USP34: variants seen among roughly 807,000 people sequenced by gnomAD.
USP34 encodes the protein ubiquitin carboxyl-terminal hydrolase 34.
USP34 carries 70 observed loss-of-function variants against 460.3 expected under a neutral mutation model. The observed-to-expected ratio is 0.15, with a 90% CI of 0.13 to 0.19. The LOEUF (loss-of-function observed/expected upper bound fraction) is 0.19. Ranked by LOEUF, USP34 falls within the 10% of genes least tolerant of loss-of-function variation. USP34 has a pLI of 1.00. For synonymous variants in USP34, 1,647 were observed against 1,405.3 expected (o/e 1.17, Z -3.85); for missense variants, 3,985 against 4,236.2 (o/e 0.94, Z 1.65).
At chr2:61,299,842 C>T (rs1407574960) in intron 29 of USP34, among the ~76,000 whole-genome samples, 1 of 152,174 alleles carries the variant, frequency 6.6e-6, no homozygotes, top group Non-Finnish European at 1.5e-5. Context: ...CCTCTGAGCT[C>T]CATACTTATA....
intron 79 of USP34, 70 bp from the exon 80 acceptor site, chr2:61,188,779 G>T: frequency 6.4e-7 from 1 of 1,570,192 alleles, no homozygotes; most frequent in Non-Finnish European, 8.6e-7. Context: ...GGGGATGTGG[G>T]AAGTTAATTT....
chr2:61,302,596 A>G (rs909265380), intron 27 of USP34, among the ~76,000 whole-genome samples: 1 of 152,230 alleles, frequency 6.6e-6, no homozygotes, highest in Admixed American at 6.5e-5. Context: ...CAGATACAAC[A>G]TTTTAAACAT....
chr2:61,331,638 T>G (rs1420112759), intron 19 of USP34, among the ~76,000 whole-genome samples: 1 of 152,060 alleles, frequency 6.6e-6, no homozygotes, highest in African/African-American at 2.4e-5. Context: ...TGAGTTAATA[T>G]TAAAAGTAAT....
chr2:61,333,657 A>C (rs1691335941), intron 19 of USP34, among the ~76,000 whole-genome samples: 1 of 152,066 alleles, frequency 6.6e-6, no homozygotes, highest in South Asian at 2.1e-4. Context: ...ATTAATTGCT[A>C]AAGTACTGTT....
Position 61,378,923 on chromosome 2 carries a change from A to AAAC in USP34, c.1015-500_1015-499insGTT, listed in dbSNP as rs1283615457. 3.4e-4 allele frequency among the ~76,000 whole-genome samples: 50 copies of AAAC among 148,740 alleles called. 1 individual carries two copies. Among genetic ancestry groups the AAAC allele is most frequent in the African/African-American group, 1.2e-3 (49 of 41,050 alleles). On this transcript the variant is annotated intron_variant, in intron 7 of 79. Coordinates refer to ENST00000398571, the MANE Select transcript of USP34 (RefSeq NM_014709.4). ...CCATCTCAAAAAAACGAAAAAAAAA[A>AAAC]AAAAAAAAAAAAAACAACACTAAAT...
At chr2:61,279,184 T>C (rs1689462166) in intron 39 of USP34, among the ~76,000 whole-genome samples, 1 of 152,072 alleles carries the variant, frequency 6.6e-6, no homozygotes, top group Non-Finnish European at 1.5e-5. Flanking sequence ...ATACTAATTT[T>C]TGTAATTATT....
intron 1 of USP34, among the ~76,000 whole-genome samples, chr2:61,468,334 C>A (rs1422578695): frequency 1.3e-5 from 2 of 152,194 alleles, no homozygotes; most frequent in Non-Finnish European, 2.9e-5. Flanking sequence ...CAAGCATGTG[C>A]CACCACGCTC....
intron 39 of USP34, among the ~76,000 whole-genome samples, chr2:61,279,909 C>T (rs544363111): frequency 6.6e-6 from 1 of 152,268 alleles, no homozygotes; most frequent in African/African-American, 2.4e-5. Context: ...GTATTTGGGA[C>T]TCCAAACTAC....
chr2:61,310,954 TGAA>T (rs1690573217), intron 27 of USP34, among the ~76,000 whole-genome samples: 2 of 152,182 alleles, frequency 1.3e-5, no homozygotes, highest in African/African-American at 4.8e-5. Context: ...GAGAAACAAA[TGAA>T]GAATTTTTTG....
intron 53 of USP34, among the ~76,000 whole-genome samples, chr2:61,240,396 A>G (rs1014734850): frequency 6.6e-6 from 1 of 151,758 alleles, no homozygotes. Flanking sequence ...CTCCTGCCTC[A>G]GCCTCCCGAG....
intron 39 of USP34, among the ~76,000 whole-genome samples, chr2:61,278,749 G>T (rs1187073239): frequency 6.6e-6 from 1 of 150,930 alleles, no homozygotes; most frequent in African/African-American, 2.4e-5. Flanking sequence ...AAACCTTCAC[G>T]TTGTGCACAT....
intron 49 of USP34, 117 bp downstream of exon 49, chr2:61,248,394 C>A: frequency 1.0e-6 from 1 of 1,003,954 alleles, no homozygotes. Flanking sequence ...TTAACCTTCT[C>A]CCTTCTAAGA....
chr2:61,431,343 C>G (rs569772069), intron 1 of USP34, among the ~76,000 whole-genome samples: 4 of 152,160 alleles, frequency 2.6e-5, no homozygotes, highest in African/African-American at 9.7e-5. Flanking sequence ...TTGCCTCAGC[C>G]TCCCAAGTAG....
At chr2:61,225,874 G>C (rs139170118) in intron 62 of USP34, among the ~76,000 whole-genome samples, 37 of 152,268 alleles carry the variant, frequency 2.4e-4, no homozygotes, top group African/African-American at 8.9e-4. Context: ...TGTCTAACAC[G>C]TATTTTCCCT....
At chr2:61,289,978 C>T (rs993738654) in intron 33 of USP34, among the ~76,000 whole-genome samples, 5 of 152,064 alleles carry the variant, frequency 3.3e-5, no homozygotes, top group African/African-American at 1.2e-4. Context: ...GGGGGCTTGT[C>T]CCCATACACA....
At chr2:61,361,694 C>G (rs1692280546) in intron 10 of USP34, among the ~76,000 whole-genome samples, 1 of 152,078 alleles carries the variant, frequency 6.6e-6, no homozygotes, top group Non-Finnish European at 1.5e-5. Context: ...CATTTAAGAC[C>G]TGAAATTGTA....
chr2:61,187,985 C>T lies in USP34; in HGVS notation c.*117G>A. ...GAATTAAGCCTATAAATCTATCTTG[C>T]CATTCAAGCAGAGAGCACTGGACAA... On this transcript the variant is annotated 3_prime_UTR_variant, in exon 80 of 80. Transcript: ENST00000398571. 6.8e-7 allele frequency: 1 copy of T among 1,472,896 alleles called. No homozygotes were observed. The highest frequency in any genetic ancestry group is 2.4e-5 in the East Asian group (1 of 42,096). The allele number at this position is 1,472,896 out of a possible 1,614,324, so 91.2% of individuals were successfully genotyped here.
intron 1 of USP34, among the ~76,000 whole-genome samples, chr2:61,463,461 C>T (rs531687642): frequency 2.6e-5 from 4 of 152,246 alleles, no homozygotes; most frequent in South Asian, 4.1e-4. Context: ...ACATAAAACA[C>T]GGTCAGTAAT....
chr2:61,271,196 T>C (rs916121634), intron 41 of USP34, among the ~76,000 whole-genome samples: 5 of 152,038 alleles, frequency 3.3e-5, no homozygotes, highest in African/African-American at 1.2e-4. Context: ...AGCTACTCTT[T>C]GGGAGGCTGA....
Sources: gnomAD v4.1 joint callset for allele counts (sites outside exome capture counted in the v4.1 genomes callset) on GRCh38, gnomAD v4.1.1 for gene constraint, MANE v1.5 for transcripts, NCBI Gene and HGNC (gene_info 2026-07-23, HGNC 2026-07-21) for gene names.